The following KCNQ5 variants were observed in gnomAD, a reference collection of about 807,000 sequenced individuals.
KCNQ5 encodes the protein potassium voltage-gated channel subfamily KQT member 5.
A neutral mutation model predicts 98.2 loss-of-function variants in KCNQ5; 30 were observed. The ratio of observed to expected loss-of-function variants is 0.31; its 90% confidence interval spans 0.23 to 0.41. The LOEUF (loss-of-function observed/expected upper bound fraction) is 0.41, where lower values mean the gene tolerates loss of function less well. Ranked by LOEUF, KCNQ5 falls within the 10% of genes least tolerant of loss-of-function variation. The pLI is 1.00. For missense variants in KCNQ5, 835 were observed against 1,182.5 expected (o/e 0.71, Z 4.31); for synonymous variants, 458 against 449.4 (o/e 1.02, Z -0.24).
At chr6:72,796,856 A>G (rs1774360602) in intron 1 of KCNQ5, among the ~76,000 whole-genome samples, 1 of 152,214 alleles carries the variant, frequency 6.6e-6, no homozygotes, top group Non-Finnish European at 1.5e-5. Flanking sequence ...ACAAATAGAT[A>G]CTATAATGGG....
chr6:73,108,855 A>T (rs567771106), intron 6 of KCNQ5, among the ~76,000 whole-genome samples: 1 of 152,108 alleles, frequency 6.6e-6, no homozygotes, highest in Non-Finnish European at 1.5e-5. Context: ...AAAAAATAGG[A>T]TGTCTTTCAG....
chr6:72,881,262 A>C (rs987992653), intron 1 of KCNQ5, among the ~76,000 whole-genome samples: 5 of 152,178 alleles, frequency 3.3e-5, no homozygotes, highest in African/African-American at 1.2e-4. Context: ...CACTAATCCA[A>C]GCTGCAGGTT....
At chr6:72,918,573 G>A (rs1780264744) in intron 1 of KCNQ5, among the ~76,000 whole-genome samples, 1 of 152,040 alleles carries the variant, frequency 6.6e-6, no homozygotes, top group African/African-American at 2.4e-5. Flanking sequence ...GAAAAGGACA[G>A]AGGTGACAGA....
chr6:72,701,993 T>A (rs1171970435), intron 1 of KCNQ5, among the ~76,000 whole-genome samples: 1 of 151,918 alleles, frequency 6.6e-6, no homozygotes, highest in Non-Finnish European at 1.5e-5. Flanking sequence ...CATGCCCAGC[T>A]AATATTTTTT....
chr6:72,914,742 G>A (rs1286754601), intron 1 of KCNQ5, among the ~76,000 whole-genome samples: 1 of 151,794 alleles, frequency 6.6e-6, no homozygotes, highest in Non-Finnish European at 1.5e-5. Context: ...GTCTTATAAG[G>A]CTAAGTTGAT....
chr6:72,985,333 G>T (rs999434611), intron 1 of KCNQ5, among the ~76,000 whole-genome samples: 5 of 152,194 alleles, frequency 3.3e-5, no homozygotes, highest in African/African-American at 1.2e-4. Context: ...TGGAAGGCAT[G>T]TAACTAACAG....
At chr6:73,133,356 T>TA in intron 9 of KCNQ5, 65 bp from the exon 10 acceptor site, 1 of 1,420,104 alleles carries the variant, frequency 7.0e-7, no homozygotes. Context: ...TTCATCAAAT[T>TA]ACTTACCCAA....
intron 2 of KCNQ5, among the ~76,000 whole-genome samples, chr6:73,019,413 G>C (rs1770488561): frequency 6.6e-6 from 1 of 152,114 alleles, no homozygotes; most frequent in Non-Finnish European, 1.5e-5. Context: ...TCAGTGGATA[G>C]AGTTTACCCA....
At chr6:72,863,574 T>C (rs755867537) in intron 1 of KCNQ5, among the ~76,000 whole-genome samples, 1 of 152,162 alleles carries the variant, frequency 6.6e-6, no homozygotes, top group African/African-American at 2.4e-5. Context: ...GAAAGTCAGC[T>C]AATCATTCTG....
At chr6:72,897,500 C>T (rs1360250081) in intron 1 of KCNQ5, among the ~76,000 whole-genome samples, 3 of 152,086 alleles carry the variant, frequency 2.0e-5, no homozygotes, top group Non-Finnish European at 4.4e-5. Flanking sequence ...CGAGATTGTA[C>T]CACCGCATTC....
rs1770664436 is a variant in KCNQ5, at chr6:73,022,799, G to A, written c.489+18801G>A. Among the ~76,000 whole-genome samples the A allele has an allele frequency of 2.0e-5, 3 of 152,190 alleles. No individual in the cohort carries two copies. In the South Asian group the frequency reaches 6.2e-4, roughly 32 times the overall value. On this transcript the variant is annotated intron_variant, in intron 2 of 13. Coordinates refer to ENST00000370398, the MANE Select transcript of KCNQ5 (RefSeq NM_019842.4). ...ATTGAAGGAAGCTTCCATAGATGGAGACATTTGAGGTGGTTCTAGCATCAC... is the reference window on the plus strand; with the variant it reads ...ATTGAAGGAAGCTTCCATAGATGGAAACATTTGAGGTGGTTCTAGCATCAC...
At chr6:72,860,677 A>G (rs867960738) in intron 1 of KCNQ5, among the ~76,000 whole-genome samples, 1 of 152,266 alleles carries the variant, frequency 6.6e-6, no homozygotes, top group African/African-American at 2.4e-5. Context: ...AATCAATAGT[A>G]TCTATTTTCC....
intron 1 of KCNQ5, among the ~76,000 whole-genome samples, chr6:72,973,344 G>T (rs1055561592): frequency 6.6e-6 from 1 of 151,838 alleles, no homozygotes; most frequent in African/African-American, 2.4e-5. Context: ...TCACTCAAAA[G>T]AAAAATATGG....
intron 2 of KCNQ5, among the ~76,000 whole-genome samples, chr6:73,007,973 G>A (rs986008554): frequency 6.6e-6 from 1 of 152,052 alleles, no homozygotes; most frequent in Admixed American, 6.6e-5. Flanking sequence ...AAGGTGTAGG[G>A]CTAGAGATGT....
intron 3 of KCNQ5, among the ~76,000 whole-genome samples, chr6:73,057,108 G>C (rs1772543566): frequency 6.6e-6 from 1 of 152,136 alleles, no homozygotes. Context: ...ACTGGATTAA[G>C]AAAATGTGGC....
At chr6:72,830,342 G>T (rs555985353) in intron 1 of KCNQ5, among the ~76,000 whole-genome samples, 32 of 152,190 alleles carry the variant, frequency 2.1e-4, no homozygotes, top group East Asian at 3.9e-4. Context: ...TATACTACAA[G>T]GCTACAGTAA....
intron 1 of KCNQ5, among the ~76,000 whole-genome samples, chr6:72,892,280 T>C (rs1367269465): frequency 6.6e-6 from 1 of 152,238 alleles, no homozygotes; most frequent in Admixed American, 6.5e-5. Context: ...TGAAAGTTCC[T>C]GTTCTTAGGC....
intron 1 of KCNQ5, among the ~76,000 whole-genome samples, chr6:72,927,673 C>A (rs1765492448): frequency 6.6e-6 from 1 of 152,066 alleles, no homozygotes; most frequent in Admixed American, 6.6e-5. Context: ...AATACCAGCT[C>A]AACCATACTC....
intron 2 of KCNQ5, among the ~76,000 whole-genome samples, chr6:73,041,460 A>T (rs1182645353): frequency 6.6e-6 from 1 of 152,196 alleles, no homozygotes; most frequent in Non-Finnish European, 1.5e-5. Flanking sequence ...TATACTTCGA[A>T]ATATTTGCTT....
Sources: allele counts gnomAD v4.1 joint callset (sites outside exome capture counted in the v4.1 genomes callset), GRCh38; gene constraint gnomAD v4.1.1; transcripts MANE v1.5; gene names NCBI Gene and HGNC (gene_info 2026-07-23, HGNC 2026-07-21).